The following CAPN13 variants were observed in gnomAD, a reference collection of about 807,000 sequenced individuals.
CAPN13 encodes the protein calpain-13.
CAPN13 carries 90 observed loss-of-function variants against 98.4 expected under a neutral mutation model. The ratio of observed to expected loss-of-function variants is 0.92; its 90% confidence interval spans 0.77 to 1.09. The LOEUF is 1.09. Ranked by LOEUF, CAPN13 falls within the 50% of genes least tolerant of loss-of-function variation. CAPN13 has a pLI of 0.00. For synonymous variants in CAPN13, 330 were observed against 305.5 expected, an observed-to-expected ratio of 1.08 and a Z score of -0.84; for missense variants, 887 against 841.3, an observed-to-expected ratio of 1.05 and a Z score of -0.67.
chr2:30,726,742 C>T (rs147043883), intron 22 of CAPN13, among the ~76,000 whole-genome samples: 17 of 152,040 alleles, frequency 1.1e-4, no homozygotes, highest in South Asian at 4.2e-4. Flanking sequence ...AATGAAGAGA[C>T]GCATGGAACA....
At chr2:30,730,282 C>A (rs1671018818) in intron 22 of CAPN13, among the ~76,000 whole-genome samples, 1 of 152,158 alleles carries the variant, frequency 6.6e-6, no homozygotes, top group Admixed American at 6.5e-5. Context: ...AACACTGATG[C>A]CTACAGATGT....
chr2:30,783,659 C>T lies in CAPN13; in HGVS notation c.198+3469G>A, dbSNP rs896074144. Among the ~76,000 whole-genome samples, 3 of 152,280 alleles carry T rather than the reference C, an allele frequency of 2.0e-5. No homozygotes were observed. The East Asian group carries it at 5.8e-4, about 29-fold the overall frequency. On this transcript the variant is annotated intron_variant, in intron 2 of 22. Coordinates refer to ENST00000295055, the MANE Select transcript of CAPN13 (RefSeq NM_144575.3). ...CTGGGCTAGTGTTGAACCTGCCAAG[C>T]TGGGATGAATACTCAAAACAGAATG...
Position 30,764,287 on chromosome 2 carries a change from C to G in CAPN13, c.544G>C (p.Asp182His), listed in dbSNP as rs200327194. 3.1e-4 allele frequency: 494 copies of G among 1,613,764 alleles called. No individual in the cohort carries two copies. The highest frequency in any genetic ancestry group is 1.8e-3 in the Middle Eastern group (11 of 6,054). Residue 182 changes from aspartate to histidine, a missense_variant, in exon 6 of 23, where the codon GAT (aspartate) becomes CAT (histidine). Physicochemically the swap from Asp to His is moderately conservative, Grantham distance 81. Transcript: ENST00000295055. The stretch of plus-strand genomic sequence containing the variant: ...TCCTCGAGGAAGCCATAGTGCAGAT[C>G]GGAATAGGATCCGAGCAGCCTGGGA... ...AYAKLLGSYS[D>H]LHYGFLEDAL...
At chr2:30,768,894 G>A (rs1232480059) in intron 5 of CAPN13, among the ~76,000 whole-genome samples, 2 of 152,074 alleles carry the variant, frequency 1.3e-5, no homozygotes, top group African/African-American at 4.8e-5. Context: ...GAAAGCTGGA[G>A]AATGCCAAGT....
At chr2:30,789,259 TCA>T (rs1451911304) in intron 1 of CAPN13, among the ~76,000 whole-genome samples, 1 of 152,144 alleles carries the variant, frequency 6.6e-6, no homozygotes, top group East Asian at 1.9e-4. Flanking sequence ...GTTGTGAAAA[TCA>T]TGGGTCTACC....
At chr2:30,736,022 G>C (rs1198399941) in intron 18 of CAPN13, among the ~76,000 whole-genome samples, 1 of 152,130 alleles carries the variant, frequency 6.6e-6, no homozygotes, top group Non-Finnish European at 1.5e-5. Flanking sequence ...GGGATGAGTG[G>C]AAAGGGCTTC....
intron 1 of CAPN13, among the ~76,000 whole-genome samples, chr2:30,800,149 A>AAAGAAAGAAAGAAAGAAAGT (rs1675164537): frequency 9.4e-5 from 14 of 148,908 alleles, no homozygotes; most frequent in African/African-American, 3.6e-4. Context: ...AGAAAGAAAG[A>AAAGAAAGAAAGAAAGAAAGT]AAGAAAGAAA....
intron 17 of CAPN13, chr2:30,737,521 A>G (rs1272047785): frequency 2.0e-5 from 3 of 152,418 alleles, no homozygotes; most frequent in African/African-American, 7.2e-5. Context: ...CTGGGGTTCA[A>G]TTCTTGGTCC....
rs762180650 is a variant in CAPN13, at chr2:30,751,867, T to C, written c.1088-616A>G. 2.6e-5 allele frequency among the ~76,000 whole-genome samples: 4 copies of C among 152,216 alleles called. 1 individual carries two copies. Among genetic ancestry groups the C allele is most frequent in the African/African-American group, 4.8e-5 (2 of 41,464 alleles). Reference sequence around the variant, plus strand: ...CATAGCATGGACGTGCTGCGAGGACTGGAGAAGATGGTGCATTAAAATGCA... The same window carrying C: ...CATAGCATGGACGTGCTGCGAGGACCGGAGAAGATGGTGCATTAAAATGCA... On this transcript the variant is annotated intron_variant, in intron 10 of 22. Coordinates refer to ENST00000295055, the MANE Select transcript of CAPN13 (RefSeq NM_144575.3).
At chr2:30,744,443 C>T (rs1671809183) in intron 12 of CAPN13, among the ~76,000 whole-genome samples, 1 of 152,152 alleles carries the variant, frequency 6.6e-6, no homozygotes, top group Non-Finnish European at 1.5e-5. Flanking sequence ...TTGCTTGGGC[C>T]CTTATGGCAA....
At chr2:30,724,737 T>G (rs551093160) in intron 22 of CAPN13, among the ~76,000 whole-genome samples, 1 of 152,154 alleles carries the variant, frequency 6.6e-6, no homozygotes, top group Admixed American at 6.5e-5. Context: ...AACTCTCAAC[T>G]CAGAAGTATA....
At chr2:30,765,560 G>A (rs1673069646) in intron 5 of CAPN13, among the ~76,000 whole-genome samples, 1 of 152,200 alleles carries the variant, frequency 6.6e-6, no homozygotes, top group Non-Finnish European at 1.5e-5. Flanking sequence ...CACTGGACAA[G>A]ACCCTTCCCC....
At chr2:30,752,614 T>A (rs1023557037) in intron 10 of CAPN13, among the ~76,000 whole-genome samples, 3 of 152,252 alleles carry the variant, frequency 2.0e-5, no homozygotes, top group South Asian at 4.1e-4. Flanking sequence ...CACTGCTGAG[T>A]CTTGGGGAGG....
chr2:30,768,204 T>C (rs1673204771), intron 5 of CAPN13, among the ~76,000 whole-genome samples: 1 of 152,160 alleles, frequency 6.6e-6, no homozygotes, highest in Admixed American at 6.5e-5. Flanking sequence ...TCATGGCTGA[T>C]TGGGCCGATG....
At chr2:30,786,586 A>T (rs1043059240) in intron 2 of CAPN13, among the ~76,000 whole-genome samples, 3 of 152,166 alleles carry the variant, frequency 2.0e-5, no homozygotes, top group Non-Finnish European at 4.4e-5. Flanking sequence ...TTTAAAGTTA[A>T]TGTCTAAAAT....
Position 30,738,253 on chromosome 2 carries a change from G to C in CAPN13, c.1635C>G (p.Ser545Arg). The change falls in exon 17 of 23, where the codon AGC (serine) becomes AGG (arginine). Residue 545 changes from serine to arginine, a missense_variant. Ser to Arg is a moderately radical substitution (Grantham distance 110, BLOSUM62 -1). Transcript: ENST00000295055. ...GDMFSLDECRSLVALMELKVN... is the reference protein window; with the variant it reads ...GDMFSLDECRRLVALMELKVN... ...AGGATACTTCCATCAGAGCCACCAAGCTGCGGCACTCATCTAAGGAGAACA... is the reference window on the plus strand; with the variant it reads ...AGGATACTTCCATCAGAGCCACCAACCTGCGGCACTCATCTAAGGAGAACA... The C allele has an allele frequency of 6.2e-7, 1 of 1,613,974 alleles. No individual in the cohort carries two copies. The highest frequency in any genetic ancestry group is 2.2e-5 in the East Asian group (1 of 44,882).
At chr2:30,798,714 G>GGGAC in intron 1 of CAPN13, among the ~76,000 whole-genome samples, 1 of 152,266 alleles carries the variant, frequency 6.6e-6, no homozygotes, top group African/African-American at 2.4e-5. Flanking sequence ...AACACGACAG[G>GGGAC]GGACGGTTTT....
At chr2:30,803,917 G>T (rs535747153) in intron 1 of CAPN13, among the ~76,000 whole-genome samples, 9 of 152,184 alleles carry the variant, frequency 5.9e-5, no homozygotes, top group Non-Finnish European at 1.0e-4. Flanking sequence ...CAGGCTTAAG[G>T]CTTGGCTGAG....
At chr2:30,803,375 T>G (rs761781382) in intron 1 of CAPN13, among the ~76,000 whole-genome samples, 83 of 152,260 alleles carry the variant, frequency 5.5e-4, no homozygotes, top group Middle Eastern at 3.4e-3. Context: ...GACAGGGTCT[T>G]GTTCAGTCCT....
Sources: gnomAD v4.1 joint callset for allele counts (sites outside exome capture counted in the v4.1 genomes callset) on GRCh38, gnomAD v4.1.1 for gene constraint, MANE v1.5 for transcripts, NCBI Gene and HGNC (gene_info 2026-07-23, HGNC 2026-07-21) for gene names.